The following ZYG11A variants were observed in gnomAD, a reference collection of about 807,000 sequenced individuals.
ZYG11A encodes the protein protein zyg-11 homolog A.
Under a neutral mutation model 77.2 loss-of-function variants are expected in ZYG11A, and 62 were observed. The observed-to-expected ratio is 0.80, with a 90% confidence interval of 0.65 to 0.99. ZYG11A has a LOEUF of 0.99. ZYG11A is among the 50% of genes least tolerant of loss of function. The probability of loss-of-function intolerance (pLI) is 0.00; values close to 1 mark genes in which losing one functional copy is unlikely to be tolerated. For missense variants in ZYG11A, 828 were observed against 896.8 expected, an observed-to-expected ratio of 0.92 and a Z score of 0.98; for synonymous variants, 315 against 324.6, an observed-to-expected ratio of 0.97 and a Z score of 0.32.
chr1:52,869,611 C>T (rs557971598), intron 8 of ZYG11A, among the ~76,000 whole-genome samples: 1 of 152,078 alleles, frequency 6.6e-6, no homozygotes, highest in East Asian at 1.9e-4. Flanking sequence ...TTTCTTAGTA[C>T]AGAACAAAAT....
chr1:52,857,539 C>G lies in ZYG11A; in HGVS notation c.798C>G (p.His266Gln). The G allele has an allele frequency of 6.4e-7, 1 of 1,552,006 alleles. No homozygotes were observed. The highest frequency in any genetic ancestry group is 8.7e-7 in the Non-Finnish European group (1 of 1,147,010). ...KCLLHLDISDHRQLKSDLAFH... is the reference protein window; with the variant it reads ...KCLLHLDISDQRQLKSDLAFH... ...TGCTTCACCTTGATATTTCTGATCA[C>G]AGGCAACTCAAATCAGACCTAGCTT... Residue 266 changes from histidine to glutamine, a missense_variant, in exon 3 of 14, where the codon CAC becomes CAG. Coordinates refer to ENST00000371528, the MANE Select transcript of ZYG11A (RefSeq NM_001004339.3).
intron 10 of ZYG11A, among the ~76,000 whole-genome samples, chr1:52,880,752 C>CCTGCAGCCACCAGAAATGAATT (rs1646349725): frequency 6.6e-6 from 1 of 152,120 alleles, no homozygotes; most frequent in African/African-American, 2.4e-5. Flanking sequence ...ATCACTCAGT[C>CCTGCAGCCACCAGAAATGAATT]CTGCAGCCAC....
intron 2 of ZYG11A, among the ~76,000 whole-genome samples, chr1:52,855,944 A>G (rs1309977447): frequency 6.6e-6 from 1 of 152,242 alleles, no homozygotes; most frequent in Admixed American, 6.5e-5. Flanking sequence ...ATCTGCAGGA[A>G]TGTGTAAGAG....
chr1:52,846,362 ATAT>A (rs1426816516), intron 1 of ZYG11A, among the ~76,000 whole-genome samples: 1 of 107,166 alleles, frequency 9.3e-6, no homozygotes, highest in African/African-American at 3.6e-5. Flanking sequence ...ATATATATAT[ATAT>A]ATTTTGAAAC....
At chr1:52,849,070 T>C (rs933448819) in intron 1 of ZYG11A, among the ~76,000 whole-genome samples, 32 of 152,128 alleles carry the variant, frequency 2.1e-4, no homozygotes, top group Non-Finnish European at 3.7e-4. Context: ...TTTACTTCTT[T>C]TTCTTTTTTT....
intron 11 of ZYG11A, among the ~76,000 whole-genome samples, chr1:52,883,365 C>T (rs1646392826): frequency 6.6e-6 from 1 of 152,028 alleles, no homozygotes; most frequent in African/African-American, 2.4e-5. Flanking sequence ...CTCAAGTGAT[C>T]CACCTGCCTT....
chr1:52,891,009 C>T (rs1464899229), intron 13 of ZYG11A, among the ~76,000 whole-genome samples: 1 of 151,894 alleles, frequency 6.6e-6, no homozygotes, highest in Non-Finnish European at 1.5e-5. Context: ...AGTGACTCTC[C>T]TGCCTCAGCC....
intron 1 of ZYG11A, among the ~76,000 whole-genome samples, chr1:52,844,055 CG>C (rs1472308450): frequency 6.6e-6 from 1 of 152,124 alleles, no homozygotes; most frequent in African/African-American, 2.4e-5. Context: ...TCCATTTTAC[CG>C]ATGTAGGGAA....
At position 52,842,848 on chromosome 1, in the gene ZYG11A, C is replaced by T. The variant is rs1645473720; in HGVS notation, c.-36C>T. Reference sequence around the variant, plus strand: ...CGGGATCCGGGCTCCGGCTCGACGCCGGCTCTCTTTTTGACGCCCCGCCGC... The same window carrying T: ...CGGGATCCGGGCTCCGGCTCGACGCTGGCTCTCTTTTTGACGCCCCGCCGC... On this transcript the variant is annotated 5_prime_UTR_variant, in exon 1 of 14. Coordinates refer to ENST00000371528, the MANE Select transcript of ZYG11A (RefSeq NM_001004339.3). 1.3e-6 allele frequency: 2 copies of T among 1,522,732 alleles called. No individual in the cohort carries two copies. Among genetic ancestry groups the T allele is most frequent in the Non-Finnish European group, 1.8e-6 (2 of 1,133,444 alleles). 94.3% of individuals were successfully genotyped at this position (1,522,732 alleles called of 1,614,324 possible). A position where few individuals can be genotyped will look rare whatever the true frequency, so the allele number is the denominator to read the frequency against.
At chr1:52,864,637 CA>C (rs1391841124) in intron 5 of ZYG11A, among the ~76,000 whole-genome samples, 1 of 151,794 alleles carries the variant, frequency 6.6e-6, no homozygotes, top group Non-Finnish European at 1.5e-5. Flanking sequence ...TATAGATAAG[CA>C]GTGAGGCTAA....
chr1:52,850,965 C>G (rs914447670), intron 1 of ZYG11A, among the ~76,000 whole-genome samples: 1 of 151,970 alleles, frequency 6.6e-6, no homozygotes, highest in African/African-American at 2.4e-5. Context: ...CTTCTCATGT[C>G]TGATATTTTA....
chr1:52,862,658 A>G (rs1045181298), intron 4 of ZYG11A, among the ~76,000 whole-genome samples: 12 of 151,998 alleles, frequency 7.9e-5, no homozygotes, highest in African/African-American at 2.4e-4. Context: ...TGGTGCCACT[A>G]TACTCCAGCC....
chr1:52,868,856 GA>G (rs1411475731), intron 8 of ZYG11A, among the ~76,000 whole-genome samples: 3 of 152,032 alleles, frequency 2.0e-5, no homozygotes, highest in African/African-American at 7.2e-5. Flanking sequence ...TTTATTATAT[GA>G]ATTTTTTTTT....
At chr1:52,890,067 TTTTC>T (rs1241397343) in intron 13 of ZYG11A, among the ~76,000 whole-genome samples, 4 of 148,720 alleles carry the variant, frequency 2.7e-5, no homozygotes, top group Admixed American at 6.7e-5. Flanking sequence ...TTTTTTTTTT[TTTTC>T]TTTTTTTTAA....
intron 3 of ZYG11A, among the ~76,000 whole-genome samples, chr1:52,858,706 G>A (rs1387129664): frequency 8.6e-5 from 13 of 151,488 alleles, no homozygotes; most frequent in Non-Finnish European, 1.2e-4. Flanking sequence ...TTCGCCTCCC[G>A]GGTTCAAGCG....
chr1:52,856,998 G>A lies in ZYG11A; in HGVS notation c.257G>A (p.Gly86Asp). 1 of 1,529,686 alleles carries A rather than the reference G, an allele frequency of 6.5e-7. No homozygotes were observed. The highest frequency in any genetic ancestry group is 8.8e-7 in the Non-Finnish European group (1 of 1,134,182). The allele number at this position is 1,529,686 out of a possible 1,614,324, so 94.8% of individuals were successfully genotyped here. A position where few individuals can be genotyped will look rare whatever the true frequency, so the allele number is the denominator to read the frequency against. Residue 86 changes from glycine to aspartate, a missense_variant and splice_region_variant, in exon 3 of 14, where the codon GGC becomes GAC. Gly to Asp is a moderately conservative substitution (Grantham distance 94). Coordinates refer to ENST00000371528, the MANE Select transcript of ZYG11A (RefSeq NM_001004339.3). Reference protein sequence around the residue: ...ERFLRVMTWQGKLTDRTASIF... With the variant: ...ERFLRVMTWQDKLTDRTASIF... ...CAAGTTGGTTCTGGTTCTTTCATAG[G>A]CAAGCTGACTGACAGAACAGCCAGC...
In ZYG11A at chr1:52,882,134, C is replaced by T. The variant is rs1369700964; in HGVS notation, c.1944+469C>T. On this transcript the variant is annotated intron_variant, in intron 11 of 13. Coordinates refer to ENST00000371528, the MANE Select transcript of ZYG11A (RefSeq NM_001004339.3). ...TCTCAAACTCCTGAGCTTAAGCGAT[C>T]TGCCTACCTTGGCCTCCCAAAGTGC... is the stretch of plus-strand genomic sequence containing the variant. 2.6e-5 allele frequency among the ~76,000 whole-genome samples: 4 copies of T among 152,334 alleles called. No individual in the cohort carries two copies. In the East Asian group the frequency reaches 7.7e-4, roughly 29 times the overall value.
intron 8 of ZYG11A, among the ~76,000 whole-genome samples, chr1:52,867,998 A>C: frequency 8.6e-6 from 1 of 115,876 alleles, no homozygotes. Flanking sequence ...ACAGAGTCTC[A>C]CTCTGTCGCC....
intron 10 of ZYG11A, among the ~76,000 whole-genome samples, chr1:52,881,003 G>A (rs901496352): frequency 6.6e-6 from 1 of 152,200 alleles, no homozygotes. Context: ...GAAAACTAGT[G>A]TAACATATAA....
Sources: gnomAD v4.1 joint callset for allele counts (sites outside exome capture counted in the v4.1 genomes callset) on GRCh38, gnomAD v4.1.1 for gene constraint, MANE v1.5 for transcripts, NCBI Gene and HGNC (gene_info 2026-07-23, HGNC 2026-07-21) for gene names.